MORC3: variants seen among roughly 807,000 people sequenced by gnomAD.
The protein encoded by MORC3 is MORC family CW-type zinc finger 3, also known as MORC family CW-type zinc finger protein 3.
In MORC3, 31 loss-of-function variants were observed where a neutral mutation model predicts 109.1. That is an observed-to-expected ratio of 0.28 (90% CI 0.21 to 0.38). The LOEUF (loss-of-function observed/expected upper bound fraction) is 0.38, where lower values mean the gene tolerates loss of function less well. Ranked by LOEUF, MORC3 falls within the 10% of genes least tolerant of loss-of-function variation. The pLI, the probability that MORC3 is intolerant of heterozygous loss-of-function variation, is 1.00. For missense variants in MORC3, 867 were observed against 1,135.8 expected (o/e 0.76, Z 3.40); for synonymous variants, 395 against 380.7 (o/e 1.04, Z -0.44).
intron 6 of MORC3, among the ~76,000 whole-genome samples, chr21:36,343,034 A>G (rs1342412084): frequency 1.3e-5 from 2 of 151,914 alleles, no homozygotes; most frequent in Non-Finnish European, 2.9e-5. Context: ...AATAAAAATA[A>G]AAAAAAGATT....
intron 15 of MORC3, among the ~76,000 whole-genome samples, chr21:36,371,762 C>T (rs1266088404): frequency 6.6e-6 from 1 of 151,438 alleles, no homozygotes; most frequent in Non-Finnish European, 1.5e-5. Flanking sequence ...ACCACTGTGA[C>T]ATTAACATAA....
chr21:36,340,798 G>A (rs548109590), intron 5 of MORC3, among the ~76,000 whole-genome samples: 2 of 152,044 alleles, frequency 1.3e-5, no homozygotes, highest in East Asian at 3.9e-4. Flanking sequence ...CACCATGCCT[G>A]GCTGATTTTT....
chr21:36,343,441 T>C (rs886480920), intron 6 of MORC3, among the ~76,000 whole-genome samples: 1 of 139,664 alleles, frequency 7.2e-6, no homozygotes, highest in East Asian at 2.2e-4. Flanking sequence ...ATACTAACTT[T>C]TTGCTTTCTT....
intron 9 of MORC3, among the ~76,000 whole-genome samples, chr21:36,354,453 C>T (rs1447283346): frequency 2.6e-5 from 4 of 151,532 alleles, no homozygotes; most frequent in East Asian, 2.0e-4. Flanking sequence ...TACAGGCACA[C>T]GCCATCACGC....
At chr21:36,328,940 T>C (rs1316612054) in intron 1 of MORC3, among the ~76,000 whole-genome samples, 3 of 148,546 alleles carry the variant, frequency 2.0e-5, no homozygotes, top group Non-Finnish European at 3.0e-5. Context: ...ATTGTAACGA[T>C]AGCTGATGAA....
chr21:36,350,354 C>T (rs1004439749), intron 9 of MORC3, among the ~76,000 whole-genome samples: 12 of 151,832 alleles, frequency 7.9e-5, no homozygotes, highest in African/African-American at 2.9e-4. Flanking sequence ...AATCCCAGCA[C>T]TTTAGTAGGC....
intron 6 of MORC3, among the ~76,000 whole-genome samples, chr21:36,341,928 T>C (rs1035570740): frequency 2.6e-5 from 4 of 152,182 alleles, no homozygotes; most frequent in African/African-American, 9.6e-5. Flanking sequence ...CAAAGTCTTA[T>C]TAAATTTTAA....
chr21:36,361,944 T>C, intron 12 of MORC3: 1 of 563,938 alleles, frequency 1.8e-6, no homozygotes, highest in East Asian at 3.2e-5. Flanking sequence ...TTATCTGGTC[T>C]TAGTGGAGAA....
chr21:36,322,112 T>G (rs1198320124), intron 1 of MORC3, among the ~76,000 whole-genome samples: 1 of 152,138 alleles, frequency 6.6e-6, no homozygotes, highest in Non-Finnish European at 1.5e-5. Flanking sequence ...AGCACCTGTT[T>G]TTGTGTGGCC....
In MORC3 at chr21:36,320,273, G is replaced by C; in HGVS notation, c.9G>C (p.Ala3=). Residue 3 remains alanine, a synonymous_variant, in exon 1 of 17, where the codon GCG becomes GCC. Coordinates refer to ENST00000400485, the MANE Select transcript of MORC3 (RefSeq NM_015358.3). The stretch of plus-strand genomic sequence containing the variant: ...TTTGTAGCTCGCTCAAGATGGCGGC[G>C]CAGCCACCCCGCGGGATACGCCTCA... MA[A]QPPRGIRLSA... is the part of the protein sequence containing the mutation. 6.3e-7 allele frequency: 1 copy of C among 1,579,530 alleles called. No homozygotes were observed.
rs117248785 is a variant in MORC3, at chr21:36,340,964, T to G, written c.609-435T>G. 3.7e-3 allele frequency among the ~76,000 whole-genome samples: 564 copies of G among 152,314 alleles called. 2 individuals carry two copies. The highest frequency in any genetic ancestry group is 6.8e-3 in the Middle Eastern group (2 of 294). On this transcript the variant is annotated intron_variant, in intron 5 of 16. Coordinates refer to ENST00000400485, the MANE Select transcript of MORC3 (RefSeq NM_015358.3). ...TTTGCACTTTTTTCTTGCTGAGTAG[T>G]GTTTCATTGTATGTATGGAACCCAG...
At chr21:36,349,815 G>C (rs2085550981) in intron 9 of MORC3, among the ~76,000 whole-genome samples, 1 of 152,206 alleles carries the variant, frequency 6.6e-6, no homozygotes, top group Non-Finnish European at 1.5e-5. Flanking sequence ...AGGGTGTGTG[G>C]ATAGGTTGGA....
At chr21:36,344,802 T>C (rs1282068189) in intron 7 of MORC3, 95 bp downstream of exon 7, 9 of 1,589,594 alleles carry the variant, frequency 5.7e-6, no homozygotes, top group Non-Finnish European at 7.7e-6. Flanking sequence ...TCTAGTCTGC[T>C]CTAGCTTTGC....
intron 10 of MORC3, among the ~76,000 whole-genome samples, chr21:36,358,216 C>T (rs2085668476): frequency 6.6e-6 from 1 of 151,398 alleles, no homozygotes; most frequent in African/African-American, 2.4e-5. Context: ...AAAACCCTGT[C>T]TCTACTGAAA....
Position 36,375,134 on chromosome 21 carries a change from T to C in MORC3, c.2667-9T>C, listed in dbSNP as rs1054143245. 19 of 1,607,572 alleles carry C rather than the reference T, an allele frequency of 1.2e-5. No homozygotes were observed. The highest frequency in any genetic ancestry group is 1.5e-5 in the Non-Finnish European group (18 of 1,177,424). On this transcript the variant is annotated splice_polypyrimidine_tract_variant and intron_variant, in intron 16 of 16. Transcript: ENST00000400485. ...GCTCATCTAATAAGTTACATATTTG[T>C]ATTTGCAGCCTCAAACTCCGATCTC... is the stretch of plus-strand genomic sequence containing the variant.
rs2085931927 is a variant in MORC3 at position 36,376,623 on chromosome 21, T to G, written c.*1327T>G. 1 of 152,218 alleles carries G rather than the reference T, an allele frequency of 6.6e-6. No individual in the cohort carries two copies. The allele number at this position is 152,218 out of a possible 1,614,324, so 9.4% of individuals were successfully genotyped here. A position where few individuals can be genotyped will look rare whatever the true frequency, so the allele number is the denominator to read the frequency against. On this transcript the variant is annotated 3_prime_UTR_variant, in exon 17 of 17. Transcript: ENST00000400485. ...TATCTTATAATAAAATAAAAATATA[T>G]GATGGCTAACTGTTCAAATGCTACT...
chr21:36,323,105 C>G (rs548261161), intron 1 of MORC3, among the ~76,000 whole-genome samples: 59 of 152,258 alleles, frequency 3.9e-4, no homozygotes, highest in African/African-American at 1.2e-3. Context: ...TCAGACACAC[C>G]CAGTGTTTTG....
At chr21:36,374,444 G>C (rs1290595509) in intron 16 of MORC3, among the ~76,000 whole-genome samples, 1 of 152,008 alleles carries the variant, frequency 6.6e-6, no homozygotes, top group African/African-American at 2.4e-5. Flanking sequence ...AAGCTTATTT[G>C]ACCACAGAAC....
intron 8 of MORC3, among the ~76,000 whole-genome samples, chr21:36,347,017 A>C (rs533576985): frequency 6.6e-5 from 10 of 150,890 alleles, no homozygotes; most frequent in Admixed American, 4.6e-4. Context: ...TAAAAAAAAA[A>C]AAAAAAAAAC....
Sources: gnomAD v4.1 joint callset for allele counts (sites outside exome capture counted in the v4.1 genomes callset) on GRCh38, gnomAD v4.1.1 for gene constraint, MANE v1.5 for transcripts, NCBI Gene and HGNC (gene_info 2026-07-23, HGNC 2026-07-21) for gene names.